TRIM36: variants seen among roughly 807,000 people sequenced by gnomAD.
TRIM36 encodes E3 ubiquitin-protein ligase TRIM36.
TRIM36 carries 42 observed loss-of-function variants against 72.4 expected under a neutral mutation model. The ratio of observed to expected loss-of-function variants is 0.58; its 90% confidence interval spans 0.45 to 0.75. The LOEUF is 0.75. Ranked by LOEUF, TRIM36 falls within the 30% of genes least tolerant of loss-of-function variation. The pLI is 0.00. For missense variants in TRIM36, 913 were observed against 857.1 expected, an observed-to-expected ratio of 1.07 and a Z score of -0.81; for synonymous variants, 315 against 282.8, an observed-to-expected ratio of 1.11 and a Z score of -1.14.
At chr5:115,153,470 C>T (rs889497404) in intron 2 of TRIM36, among the ~76,000 whole-genome samples, 6 of 152,190 alleles carry the variant, frequency 3.9e-5, no homozygotes, top group Admixed American at 3.9e-4. Flanking sequence ...GACAGCCCTA[C>T]ACAGGTCATC....
chr5:115,156,863 C>A (rs929752010), intron 2 of TRIM36, among the ~76,000 whole-genome samples: 7 of 152,168 alleles, frequency 4.6e-5, no homozygotes, highest in Non-Finnish European at 1.0e-4. Flanking sequence ...AAGGAATAGT[C>A]AGCAGAGTAA....
chr5:115,133,083 A>G (rs1027484478), intron 8 of TRIM36, among the ~76,000 whole-genome samples: 11 of 152,216 alleles, frequency 7.2e-5, no homozygotes, highest in African/African-American at 2.4e-4. Flanking sequence ...AAGACACTAA[A>G]AAGAGGCAAG....
At chr5:115,146,669 A>G (rs1230284098) in intron 3 of TRIM36, among the ~76,000 whole-genome samples, 1 of 152,242 alleles carries the variant, frequency 6.6e-6, no homozygotes, top group African/African-American at 2.4e-5. Context: ...AGCCAAATGC[A>G]ACAAAAATAT....
At chr5:115,169,386 C>T (rs1011917465) in intron 1 of TRIM36, among the ~76,000 whole-genome samples, 2 of 152,252 alleles carry the variant, frequency 1.3e-5, no homozygotes, top group African/African-American at 4.8e-5. Flanking sequence ...CTTCTCCGGC[C>T]CAGGGGACCC....
chr5:115,131,066 G>A (rs1296561499), intron 8 of TRIM36, among the ~76,000 whole-genome samples, 177 bp from the exon 9 acceptor site: 1 of 152,102 alleles, frequency 6.6e-6, no homozygotes, highest in Non-Finnish European at 1.5e-5. Flanking sequence ...ATCTTATCCA[G>A]TATATTGTCT....
At chr5:115,127,914 C>T (rs1194016798) in intron 9 of TRIM36, among the ~76,000 whole-genome samples, 1 of 151,972 alleles carries the variant, frequency 6.6e-6, no homozygotes, top group Non-Finnish European at 1.5e-5. Flanking sequence ...TATGTTACTG[C>T]CCCAGAAGAC....
At position 115,137,388 on chromosome 5, in the gene TRIM36, G is replaced by A. The variant is rs1359801715; in HGVS notation, c.1060C>T (p.Gln354Ter). The A allele has an allele frequency of 4.3e-6, 7 of 1,612,034 alleles. No homozygotes were observed. Among genetic ancestry groups the A allele is most frequent in the Non-Finnish European group, 5.1e-6 (6 of 1,179,494 alleles). The change falls in exon 6 of 10, where the codon CAG (glutamine) becomes TAG (stop). Residue 354 changes from glutamine (Q) to a stop codon, truncating the protein, a stop_gained. Coordinates refer to ENST00000513154, the MANE Select transcript of TRIM36 (RefSeq NM_001300759.2). LOFTEE classifies it high-confidence loss of function. ...LKETDQSCFV[Q>*]TAKQLHLRIQ... ...CTGAGGTGGAGCTGCTTTGCTGTCTGCACAAAGCAAGACTGATCTGTCTCC... is the reference window on the plus strand; with the variant it reads ...CTGAGGTGGAGCTGCTTTGCTGTCTACACAAAGCAAGACTGATCTGTCTCC...
At chr5:115,176,129 A>AAAAAAT (rs963496015) in intron 1 of TRIM36, among the ~76,000 whole-genome samples, 5 of 152,212 alleles carry the variant, frequency 3.3e-5, no homozygotes, top group Non-Finnish European at 5.9e-5. Context: ...GTGTCTCAAA[A>AAAAAAT]AAAAATAAAA....
intron 1 of TRIM36, chr5:115,168,973 G>A (rs1377342788): frequency 1.3e-5 from 2 of 152,270 alleles, no homozygotes; most frequent in African/African-American, 2.4e-5. Context: ...TTACCCAAGA[G>A]AAAATTTAGT....
chr5:115,177,004 A>G (rs969926671), intron 1 of TRIM36: 1 of 152,282 alleles, frequency 6.6e-6, no homozygotes, highest in South Asian at 2.1e-4. Flanking sequence ...TAAAGTAGCC[A>G]TCACAATAGA....
intron 9 of TRIM36, among the ~76,000 whole-genome samples, chr5:115,130,348 A>G (rs1351837669): frequency 6.6e-6 from 1 of 152,210 alleles, no homozygotes; most frequent in Non-Finnish European, 1.5e-5. Flanking sequence ...TAAAACTGTG[A>G]AGCTATATCA....
intron 2 of TRIM36, among the ~76,000 whole-genome samples, chr5:115,153,550 G>A (rs1330442194): frequency 2.0e-5 from 3 of 152,160 alleles, no homozygotes; most frequent in Admixed American, 2.0e-4. Context: ...CTGTCACCCA[G>A]GCTGGAGTGC....
chr5:115,169,968 T>G (rs984137313), upstream of TRIM36: 1 of 1,170,738 alleles, frequency 8.5e-7, no homozygotes, highest in Non-Finnish European at 1.1e-6. Flanking sequence ...GGACAGGGCG[T>G]GGCCTGGTCG....
At chr5:115,161,235 T>C (rs1256318526) in intron 2 of TRIM36, among the ~76,000 whole-genome samples, 39 of 152,222 alleles carry the variant, frequency 2.6e-4, no homozygotes, top group Admixed American at 2.6e-3. Context: ...TCTCGCTCAT[T>C]GTTCTTAACC....
At chr5:115,166,608 C>T (rs745483055) in intron 1 of TRIM36, among the ~76,000 whole-genome samples, 8 of 152,212 alleles carry the variant, frequency 5.3e-5, no homozygotes, top group Non-Finnish European at 1.0e-4. Context: ...GAACTCTGGA[C>T]CTGCCAAATG....
Position 115,141,342 on chromosome 5 carries a change from A to C in TRIM36, c.768T>G (p.Ile256Met). ...GACTCTTCACCTGGCTTTCCTTACC[A>C]ATAAGGTAATCAATATCCTTTGAAA... ...EKLSKDIDYLIGKESQVKSQI... is the reference protein window; with the variant it reads ...EKLSKDIDYLMGKESQVKSQI... Residue 256 changes from isoleucine (I) to methionine (M), a missense_variant, in exon 5 of 10, where the codon ATT becomes ATG. Coordinates refer to ENST00000513154, the MANE Select transcript of TRIM36 (RefSeq NM_001300759.2). 2.5e-6 allele frequency: 4 copies of C among 1,603,906 alleles called. No individual in the cohort carries two copies. Among genetic ancestry groups the C allele is most frequent in the Non-Finnish European group, 3.4e-6 (4 of 1,177,300 alleles).
At chr5:115,149,628 G>T (rs1580674809) in intron 2 of TRIM36, 3 of 72,376 alleles carry the variant, frequency 4.1e-5, no homozygotes, top group South Asian at 4.5e-4. Context: ...CTCTGCTACT[G>T]TGTTTTTACA....
chr5:115,172,333 G>T (rs990205837), upstream of TRIM36, among the ~76,000 whole-genome samples: 2 of 152,082 alleles, frequency 1.3e-5, no homozygotes, highest in Non-Finnish European at 2.9e-5. Context: ...ACAAAAACAT[G>T]TACAAAGAGC....
intron 2 of TRIM36, among the ~76,000 whole-genome samples, chr5:115,153,140 G>A (rs1249539405): frequency 6.6e-6 from 1 of 152,104 alleles, no homozygotes; most frequent in Non-Finnish European, 1.5e-5. Flanking sequence ...GCCTTCAAGA[G>A]ACTCACCTAA....
Sources: gnomAD v4.1 joint callset for allele counts (sites outside exome capture counted in the v4.1 genomes callset) on GRCh38, gnomAD v4.1.1 for gene constraint, MANE v1.5 for transcripts, NCBI Gene and HGNC (gene_info 2026-07-23, HGNC 2026-07-21) for gene names.